Variants in DIP2B observed in about 807,000 individuals in gnomAD.
The protein encoded by DIP2B is disco-interacting protein 2 homolog B.
DIP2B carries 76 observed loss-of-function variants against 198.0 expected under a neutral mutation model. The observed-to-expected ratio is 0.38, with a 90% CI of 0.32 to 0.46. DIP2B has a LOEUF of 0.46. Among genes scored for constraint, DIP2B ranks in the 20% least tolerant of loss-of-function variants. The pLI is 0.99. For synonymous variants in DIP2B, 701 were observed against 739.1 expected, an observed-to-expected ratio of 0.95 and a Z score of 0.84; for missense variants, 1,559 against 1,978.4, an observed-to-expected ratio of 0.79 and a Z score of 4.02.
chr12:50,619,449 G>T (rs1937762749), intron 1 of DIP2B, among the ~76,000 whole-genome samples: 1 of 152,164 alleles, frequency 6.6e-6, no homozygotes, highest in Non-Finnish European at 1.5e-5. Context: ...AGAATGAAAA[G>T]CCAGACCCAA....
At chr12:50,582,568 ATTTC>A (rs1958735478) in intron 1 of DIP2B, among the ~76,000 whole-genome samples, 1 of 151,892 alleles carries the variant, frequency 6.6e-6, no homozygotes, top group Admixed American at 6.6e-5. Context: ...AGCCCTCTGG[ATTTC>A]TTTTATTTTT....
chr12:50,673,812 G>A (rs892082641), intron 5 of DIP2B, among the ~76,000 whole-genome samples: 2 of 152,138 alleles, frequency 1.3e-5, no homozygotes, highest in Admixed American at 6.5e-5. Context: ...CCTATGTGCG[G>A]TAGAGTAGAA....
intron 1 of DIP2B, among the ~76,000 whole-genome samples, chr12:50,539,761 T>G: frequency 6.6e-6 from 1 of 152,162 alleles, no homozygotes; most frequent in Non-Finnish European, 1.5e-5. Flanking sequence ...CTCTCACCCT[T>G]AGATGTAACT....
chr12:50,669,217 G>T (rs1436798797), intron 4 of DIP2B, among the ~76,000 whole-genome samples: 1 of 151,988 alleles, frequency 6.6e-6, no homozygotes, highest in African/African-American at 2.4e-5. Flanking sequence ...TCTCCTGTAA[G>T]CCTTTTTAGG....
intron 1 of DIP2B, among the ~76,000 whole-genome samples, chr12:50,581,455 A>G (rs554225537): frequency 6.7e-6 from 1 of 149,524 alleles, no homozygotes; most frequent in South Asian, 2.2e-4. Context: ...TTCCGGCTGT[A>G]TGCTGTACAG....
chr12:50,587,125 C>T (rs1038953382), intron 1 of DIP2B, among the ~76,000 whole-genome samples: 3 of 152,120 alleles, frequency 2.0e-5, no homozygotes, highest in East Asian at 1.9e-4. Flanking sequence ...CTCTTAGGTT[C>T]CTTTCACTTC....
At chr12:50,667,070 T>C (rs1159383647) in intron 4 of DIP2B, among the ~76,000 whole-genome samples, 2 of 152,196 alleles carry the variant, frequency 1.3e-5, no homozygotes, top group East Asian at 1.9e-4. Context: ...GTTTTTGTCA[T>C]GTTGCCCAGG....
chr12:50,616,153 T>C (rs1330382811), intron 1 of DIP2B, among the ~76,000 whole-genome samples: 1 of 152,260 alleles, frequency 6.6e-6, no homozygotes, highest in African/African-American at 2.4e-5. Context: ...AACAGGGCTG[T>C]GCAGCCAAAG....
At chr12:50,721,641 T>C (rs1939837725) in intron 26 of DIP2B, among the ~76,000 whole-genome samples, 1 of 152,208 alleles carries the variant, frequency 6.6e-6, no homozygotes, top group South Asian at 2.1e-4. Context: ...GCCTGGCACA[T>C]AAAAGGCACT....
At chr12:50,696,577 G>C (rs528310159) in intron 16 of DIP2B, among the ~76,000 whole-genome samples, 3 of 152,152 alleles carry the variant, frequency 2.0e-5, no homozygotes, top group Non-Finnish European at 2.9e-5. Flanking sequence ...TCACACAGTA[G>C]AATCAGGTAG....
intron 3 of DIP2B, among the ~76,000 whole-genome samples, chr12:50,657,645 A>C (rs1426233630): frequency 1.3e-5 from 2 of 152,176 alleles, no homozygotes; most frequent in Non-Finnish European, 2.9e-5. Flanking sequence ...AAAAAGAAGA[A>C]GACAACAAAT....
chr12:50,704,733 G>A (rs1382306688), intron 20 of DIP2B, among the ~76,000 whole-genome samples: 3 of 152,226 alleles, frequency 2.0e-5, no homozygotes, highest in Admixed American at 6.5e-5. Context: ...GGGAGGCCGA[G>A]GTGGGCGGAT....
At chr12:50,508,188 C>A (rs1489647363) in intron 1 of DIP2B, among the ~76,000 whole-genome samples, 1 of 152,188 alleles carries the variant, frequency 6.6e-6, no homozygotes, top group Non-Finnish European at 1.5e-5. Flanking sequence ...AAAGAACAGG[C>A]TGAAACTGCC....
chr12:50,716,540 A>C (rs375941656), intron 23 of DIP2B, among the ~76,000 whole-genome samples: 2 of 152,218 alleles, frequency 1.3e-5, no homozygotes, highest in East Asian at 3.9e-4. Context: ...AAAACAAAAC[A>C]AAACAAAACA....
At chr12:50,699,408 A>G (rs1939376990) in intron 19 of DIP2B, among the ~76,000 whole-genome samples, 1 of 152,110 alleles carries the variant, frequency 6.6e-6, no homozygotes, top group Non-Finnish European at 1.5e-5. Flanking sequence ...CAATTTCCTT[A>G]TCTTTAAAAT....
chr12:50,638,412 GTTATAA>G (rs971156160), intron 2 of DIP2B, among the ~76,000 whole-genome samples: 68 of 152,244 alleles, frequency 4.5e-4, no homozygotes, highest in Admixed American at 9.2e-4. Context: ...TTTACATACA[GTTATAA>G]TTATATTGTG....
chr12:50,568,209 C>CAA (rs1958582668), intron 1 of DIP2B, among the ~76,000 whole-genome samples: 11 of 152,112 alleles, frequency 7.2e-5, no homozygotes, highest in Admixed American at 2.0e-4. Context: ...TTTTGCTGTC[C>CAA]TTCTTTGGAA....
intron 3 of DIP2B, among the ~76,000 whole-genome samples, chr12:50,648,261 C>A (rs1412559729): frequency 1.3e-5 from 2 of 152,012 alleles, no homozygotes; most frequent in African/African-American, 2.4e-5. Flanking sequence ...AGTATTATTT[C>A]TTTTGTTACT....
intron 1 of DIP2B, among the ~76,000 whole-genome samples, chr12:50,579,710 T>C (rs1286575266): frequency 3.1e-5 from 3 of 95,394 alleles, no homozygotes; most frequent in Admixed American, 1.3e-4. Context: ...TATATATATA[T>C]ATATATATAC....
Sources: gnomAD v4.1 joint callset for allele counts (sites outside exome capture counted in the v4.1 genomes callset) on GRCh38, gnomAD v4.1.1 for gene constraint, MANE v1.5 for transcripts, NCBI Gene and HGNC (gene_info 2026-07-23, HGNC 2026-07-21) for gene names.